ANKRD30B: variants seen among roughly 807,000 people sequenced by gnomAD.
The protein encoded by ANKRD30B is ankyrin repeat domain-containing protein 30B.
Under a neutral mutation model 202.2 loss-of-function variants are expected in ANKRD30B, and 144 were observed. That is an observed-to-expected ratio of 0.71 (90% CI 0.62 to 0.82). The LOEUF is 0.82. Among genes scored for constraint, ANKRD30B ranks in the 40% least tolerant of loss-of-function variants. The pLI is 0.00. For missense variants in ANKRD30B, 1,487 were observed against 1,669.1 expected, an observed-to-expected ratio of 0.89 and a Z score of 1.90; for synonymous variants, 508 against 561.3, an observed-to-expected ratio of 0.91 and a Z score of 1.34.
chr18:14,784,581 G>T, intron 14 of ANKRD30B, 46 bp downstream of exon 14: 2 of 1,553,284 alleles, frequency 1.3e-6, no homozygotes, highest in South Asian at 1.2e-5. Flanking sequence ...GTTCAATATT[G>T]GACATTTTGA....
intron 30 of ANKRD30B, among the ~76,000 whole-genome samples, chr18:14,821,988 C>T (rs1970447594): frequency 6.6e-6 from 1 of 152,106 alleles, no homozygotes; most frequent in Non-Finnish European, 1.5e-5. Flanking sequence ...CTCATCGGAG[C>T]TTTGCAATTC....
At chr18:14,893,902 A>T in the ANKRD30B span, among the ~76,000 whole-genome samples, 5 of 150,922 alleles carry the variant, frequency 3.3e-5, no homozygotes, top group Non-Finnish European at 7.4e-5. Flanking sequence ...TATTACATAG[A>T]TGCATCAAAT....
the ANKRD30B span, among the ~76,000 whole-genome samples, chr18:14,928,677 G>C: frequency 6.6e-6 from 1 of 152,210 alleles, no homozygotes; most frequent in South Asian, 2.1e-4. Flanking sequence ...ATGGAAGACT[G>C]TGAGACTTTT....
At chr18:14,839,035 T>C (rs1170210609) in intron 36 of ANKRD30B, among the ~76,000 whole-genome samples, 2 of 152,200 alleles carry the variant, frequency 1.3e-5, no homozygotes, top group African/African-American at 4.8e-5. Context: ...ATTTTCCATA[T>C]ATAGCAGTTT....
chr18:14,847,563 A>G, intron 39 of ANKRD30B, among the ~76,000 whole-genome samples: 1 of 126,828 alleles, frequency 7.9e-6, no homozygotes, highest in Non-Finnish European at 1.7e-5. Context: ...TGTAGCTTTC[A>G]TCTGCAGCAT....
At position 14,754,966 on chromosome 18, in the gene ANKRD30B, C is replaced by T; in HGVS notation, c.578C>T (p.Thr193Ile). The change falls in exon 4 of 44, where the codon ACA becomes ATA. Residue 193 changes from threonine (T) to isoleucine (I), a missense_variant. Coordinates refer to ENST00000690538, the MANE Select transcript of ANKRD30B (RefSeq NM_001367607.2). ...RSKQTVEFLL[T>I]KNANANAFNE... ...AAGCAAACTGTGGAATTTTTACTAA[C>T]AAAAAATGCAAATGCAAACGCATTT... 6 of 1,545,510 alleles carry T rather than the reference C, an allele frequency of 3.9e-6. No individual in the cohort carries two copies. The highest frequency in any genetic ancestry group is 5.2e-6 in the Non-Finnish European group (6 of 1,144,848).
At chr18:14,831,181 G>GAAAAAAAAAA (rs71305894) in intron 33 of ANKRD30B, among the ~76,000 whole-genome samples, 11,484 of 51,700 alleles carry the variant, frequency 0.22, 2,207 homozygotes, top group East Asian at 0.27. Context: ...CTCCGTCTCG[G>GAAAAAAAAAA]AAAAAAAAAA....
chr18:14,804,968 T>C (rs1217545444), intron 24 of ANKRD30B, among the ~76,000 whole-genome samples: 1 of 150,472 alleles, frequency 6.6e-6, no homozygotes, highest in African/African-American at 2.5e-5. Context: ...AATGTTAGAG[T>C]GTGGGTGCTC....
chr18:14,837,746 A>G (rs897151793), intron 36 of ANKRD30B, 70 bp downstream of exon 36: 1 of 1,236,626 alleles, frequency 8.1e-7, no homozygotes, highest in Non-Finnish European at 1.1e-6. Flanking sequence ...TAAAAAGATG[A>G]TTTGACTTTA....
the ANKRD30B span, among the ~76,000 whole-genome samples, chr18:14,904,486 C>T: frequency 9.9e-5 from 15 of 152,078 alleles, no homozygotes; most frequent in Admixed American, 2.6e-4. Flanking sequence ...TCTCTTCTTT[C>T]CCTCTCTTCC....
intron 16 of ANKRD30B, 42 bp from the exon 17 acceptor site, chr18:14,796,179 A>C (rs778517582): frequency 6.5e-7 from 1 of 1,549,156 alleles, no homozygotes; most frequent in Non-Finnish European, 8.9e-7. Flanking sequence ...AGGCTTTGTC[A>C]GGCTTGCATA....
intron 33 of ANKRD30B, 30 bp downstream of exon 33, chr18:14,828,338 A>G: frequency 6.9e-7 from 1 of 1,450,630 alleles, no homozygotes; most frequent in South Asian, 1.3e-5. Flanking sequence ...TAAAACGTAT[A>G]TGTTAACTCA....
the ANKRD30B span, among the ~76,000 whole-genome samples, chr18:14,898,944 C>T: frequency 4.6e-5 from 7 of 152,144 alleles, 1 homozygote; most frequent in African/African-American, 1.7e-4. Flanking sequence ...ACATTATTTA[C>T]TTAAAATAAG....
chr18:14,748,763 T>A, intron 1 of ANKRD30B, 123 bp downstream of exon 1: 3 of 1,070,942 alleles, frequency 2.8e-6, no homozygotes, highest in Non-Finnish European at 3.9e-6. Flanking sequence ...TGGCGGGCGA[T>A]GGGGCGGCCG....
In ANKRD30B at chr18:14,853,861, A is replaced by C. The variant is rs1324016660; in HGVS notation, c.4529A>C (p.Glu1510Ala). Among the ~76,000 whole-genome samples the C allele has an allele frequency of 6.6e-6, 1 of 152,218 alleles. No individual in the cohort carries two copies. The highest frequency in any genetic ancestry group is 2.4e-5 in the African/African-American group (1 of 41,452). ...KKLADLNKQC[E>A]ASLKVTSHSH... ...TTGGCGGATCTTAATAAACAGTGTGAGGCTTCACTAAAGGTTACATCACAT... is the reference window on the plus strand; with the variant it reads ...TTGGCGGATCTTAATAAACAGTGTGCGGCTTCACTAAAGGTTACATCACAT... Residue 1510 changes from glutamate (E) to alanine (A), a missense_variant, in exon 43 of 44, where the codon GAG becomes GCG. This residue lies in a region of ANKRD30B where 182 missense variants were observed against 216.0 expected (regional missense o/e 0.84). Coordinates refer to ENST00000690538, the MANE Select transcript of ANKRD30B (RefSeq NM_001367607.2).
At position 14,843,024 on chromosome 18, in the gene ANKRD30B, C is replaced by G. The variant is rs180690700; in HGVS notation, c.3109C>G (p.Pro1037Ala). Residue 1037 changes from proline to alanine, a missense_variant and splice_region_variant, in exon 39 of 44, where the codon CCT (proline) becomes GCT (alanine). Transcript: ENST00000690538. ...ESPEKPSHFE[P>A]ATEMQNSVPN... ...TCATTTTTCTTCCAAACCCGTTTAG[C>G]CTGCCACTGAAATGCAAAACTCTGT... is the stretch of plus-strand genomic sequence containing the variant. The G allele has an allele frequency of 0.011, 16,904 of 1,590,644 alleles. No homozygotes were observed. The highest frequency in any genetic ancestry group is 0.013 in the Non-Finnish European group (14,896 of 1,166,910).
chr18:14,868,046 C>G, the ANKRD30B span, among the ~76,000 whole-genome samples: 1 of 152,128 alleles, frequency 6.6e-6, no homozygotes, highest in Non-Finnish European at 1.5e-5. Flanking sequence ...GTGATGGAGA[C>G]GGCAGCTCAA....
Position 14,753,475 on chromosome 18 carries a change from C to T in ANKRD30B, c.510+463C>T, listed in dbSNP as rs146828389. ...TACACAAAGCATGTTTCCAGTTTGC[C>T]ACTGTGCCCACCTAGTTACATCACT... On this transcript the variant is annotated intron_variant, in intron 3 of 43. Coordinates refer to ENST00000690538, the MANE Select transcript of ANKRD30B (RefSeq NM_001367607.2). 2.5e-4 allele frequency among the ~76,000 whole-genome samples: 38 copies of T among 152,220 alleles called. No homozygotes were observed. The East Asian group carries it at 6.6e-3, about 26-fold the overall frequency.
the ANKRD30B span, among the ~76,000 whole-genome samples, chr18:14,932,862 A>G: frequency 1.3e-5 from 2 of 152,302 alleles, no homozygotes; most frequent in South Asian, 2.1e-4. Flanking sequence ...TGCTTCATAA[A>G]TTCTTAAGAA....
Sources: allele counts gnomAD v4.1 joint callset (sites outside exome capture counted in the v4.1 genomes callset), GRCh38; gene constraint gnomAD v4.1.1; regional missense constraint gnomAD v4.1.1; transcripts MANE v1.5; gene names NCBI Gene and HGNC (gene_info 2026-07-23, HGNC 2026-07-21).